HACD2: variants seen among roughly 807,000 people sequenced by gnomAD.
HACD2 encodes very-long-chain (3R)-3-hydroxyacyl-CoA dehydratase 2.
Under a neutral mutation model 31.0 loss-of-function variants are expected in HACD2, and 15 were observed. That is an observed-to-expected ratio of 0.48 (90% CI 0.32 to 0.75). The LOEUF (loss-of-function observed/expected upper bound fraction) is 0.75. Among genes scored for constraint, HACD2 ranks in the 30% least tolerant of loss-of-function variants. The pLI, the probability that HACD2 is intolerant of heterozygous loss-of-function variation, is 0.03. For synonymous variants in HACD2, 115 were observed against 122.2 expected, an observed-to-expected ratio of 0.94 and a Z score of 0.39; for missense variants, 283 against 313.0, an observed-to-expected ratio of 0.90 and a Z score of 0.72.
chr3:123,499,403 G>A (rs2055875875), intron 6 of HACD2: 1 of 230,542 alleles, frequency 4.3e-6, no homozygotes, highest in Non-Finnish European at 9.1e-6. Context: ...TGGTCGCTAT[G>A]ATTCCAGCAC....
chr3:123,547,545 G>C (rs907960667), intron 3 of HACD2, among the ~76,000 whole-genome samples: 15 of 152,136 alleles, frequency 9.9e-5, no homozygotes, highest in Admixed American at 8.5e-4. Flanking sequence ...TTCTGGAAGG[G>C]AAAGGGATAT....
rs1191266573 is a variant in HACD2, at chr3:123,494,234, C to G, written c.*654G>C. On this transcript the variant is annotated 3_prime_UTR_variant, in exon 7 of 7. Transcript: ENST00000383657. The stretch of plus-strand genomic sequence containing the variant: ...ATACTTATTAGATTCAAGCACGTTT[C>G]TTAGTGGCAGGCAGTAATGACTCAA... 1.3e-5 allele frequency: 2 copies of G among 152,570 alleles called. No homozygotes were observed. Among genetic ancestry groups the G allele is most frequent in the African/African-American group, 4.8e-5 (2 of 41,448 alleles). 9.5% of individuals were successfully genotyped at this position (152,570 alleles called of 1,614,324 possible). A position where few individuals can be genotyped will look rare whatever the true frequency, so the allele number is the denominator to read the frequency against.
chr3:123,538,801 A>T (rs965004269), intron 3 of HACD2, among the ~76,000 whole-genome samples: 6 of 152,204 alleles, frequency 3.9e-5, no homozygotes, highest in African/African-American at 1.2e-4. Flanking sequence ...GATGATTGTG[A>T]TGTTACTGTT....
intron 3 of HACD2, among the ~76,000 whole-genome samples, chr3:123,567,484 T>C (rs150793782): frequency 5.1e-4 from 78 of 152,318 alleles, no homozygotes; most frequent in African/African-American, 1.6e-3. Flanking sequence ...AAAATGCTAA[T>C]GTTTCTATTA....
At chr3:123,551,281 T>G (rs964576358) in intron 3 of HACD2, among the ~76,000 whole-genome samples, 2 of 152,060 alleles carry the variant, frequency 1.3e-5, no homozygotes, top group African/African-American at 4.8e-5. Flanking sequence ...GTATCCTCAG[T>G]GCTTTGTCAG....
At chr3:123,502,111 G>T (rs1320214459) in intron 5 of HACD2, among the ~76,000 whole-genome samples, 2 of 152,208 alleles carry the variant, frequency 1.3e-5, no homozygotes, top group African/African-American at 4.8e-5. Flanking sequence ...TGTAATGTTT[G>T]TCATTACCTA....
At chr3:123,544,017 A>C (rs942663838) in intron 3 of HACD2, among the ~76,000 whole-genome samples, 1 of 152,218 alleles carries the variant, frequency 6.6e-6, no homozygotes, top group Non-Finnish European at 1.5e-5. Context: ...CAAAAGATCC[A>C]AGAAGGATAA....
At chr3:123,528,276 T>A in intron 4 of HACD2, 110 bp downstream of exon 4, 1 of 712,512 alleles carries the variant, frequency 1.4e-6, no homozygotes, top group Non-Finnish European at 2.5e-6. Context: ...TATATTGACA[T>A]GACCTGGAAC....
chr3:123,571,837 A>G (rs1034551271), intron 2 of HACD2, among the ~76,000 whole-genome samples: 6 of 152,236 alleles, frequency 3.9e-5, no homozygotes, highest in Admixed American at 1.3e-4. Flanking sequence ...ACAAAAACTA[A>G]GACCACAACC....
intron 4 of HACD2, among the ~76,000 whole-genome samples, chr3:123,503,539 C>T (rs1645640903): frequency 6.6e-6 from 1 of 151,940 alleles, no homozygotes; most frequent in Non-Finnish European, 1.5e-5. Context: ...TTAAAAGAGC[C>T]CCTAGGTGAT....
At chr3:123,550,324 GA>G (rs1442897133) in intron 3 of HACD2, among the ~76,000 whole-genome samples, 1 of 152,140 alleles carries the variant, frequency 6.6e-6, no homozygotes, top group Non-Finnish European at 1.5e-5. Flanking sequence ...TGTGAATAGG[GA>G]ATGAGAAGGA....
intron 5 of HACD2, 97 bp downstream of exon 5, chr3:123,502,463 T>G: frequency 1.5e-6 from 2 of 1,323,334 alleles, no homozygotes; most frequent in Non-Finnish European, 2.1e-6. Flanking sequence ...CGTCTCAATT[T>G]TATTTTTAGA....
chr3:123,561,185 G>A (rs1393300926), intron 3 of HACD2, among the ~76,000 whole-genome samples: 3 of 152,166 alleles, frequency 2.0e-5, no homozygotes, highest in Non-Finnish European at 4.4e-5. Flanking sequence ...GGTCTCCCTA[G>A]CGGCTGCTCT....
At chr3:123,528,062 C>A (rs1338868439) in intron 4 of HACD2, among the ~76,000 whole-genome samples, 1 of 152,062 alleles carries the variant, frequency 6.6e-6, no homozygotes, top group Non-Finnish European at 1.5e-5. Context: ...AGTTCGAGAG[C>A]GGCCTGGGCA....
At chr3:123,543,739 A>G in intron 3 of HACD2, 1 of 353,326 alleles carries the variant, frequency 2.8e-6, no homozygotes, top group Non-Finnish European at 5.6e-6. Flanking sequence ...CATACAGACC[A>G]GGTCTAAAAG....
chr3:123,564,076 A>G (rs1031238163), intron 3 of HACD2, among the ~76,000 whole-genome samples: 19 of 152,236 alleles, frequency 1.2e-4, no homozygotes, highest in African/African-American at 3.6e-4. Context: ...AGGAGCATAC[A>G]CTATCGACAA....
chr3:123,511,878 G>A (rs552888914), intron 4 of HACD2, among the ~76,000 whole-genome samples: 16 of 152,126 alleles, frequency 1.1e-4, no homozygotes, highest in Admixed American at 3.9e-4. Context: ...GGGACCTGGG[G>A]AGAGGGTGAG....
intron 3 of HACD2, among the ~76,000 whole-genome samples, chr3:123,550,382 G>T (rs1392932809): frequency 6.6e-6 from 1 of 152,134 alleles, no homozygotes; most frequent in Non-Finnish European, 1.5e-5. Context: ...AAAATGAGCA[G>T]CAATGAAGCG....
chr3:123,571,829 A>G (rs1157329045), intron 2 of HACD2, among the ~76,000 whole-genome samples: 1 of 152,224 alleles, frequency 6.6e-6, no homozygotes, highest in Non-Finnish European at 1.5e-5. Context: ...TTACAGCAAC[A>G]AAAACTAAGA....
Sources: gnomAD v4.1 joint callset for allele counts (sites outside exome capture counted in the v4.1 genomes callset) on GRCh38, gnomAD v4.1.1 for gene constraint, MANE v1.5 for transcripts, NCBI Gene and HGNC (gene_info 2026-07-23, HGNC 2026-07-21) for gene names.